The following WDR72 variants were observed in gnomAD, a reference collection of about 807,000 sequenced individuals.
WDR72 encodes WD repeat-containing protein 72.
In WDR72, 120 loss-of-function variants were observed where a neutral mutation model predicts 124.2. The ratio of observed to expected loss-of-function variants is 0.97; its 90% CI spans 0.83 to 1.12. WDR72 has a LOEUF of 1.12. WDR72 is among the 50% of genes most tolerant of loss of function. The pLI is 0.00. For missense variants in WDR72, 1,387 were observed against 1,278.8 expected, an observed-to-expected ratio of 1.08 and a Z score of -1.29; for synonymous variants, 452 against 441.7, an observed-to-expected ratio of 1.02 and a Z score of -0.29.
intron 1 of WDR72, among the ~76,000 whole-genome samples, chr15:53,752,421 G>C (rs1433844101): frequency 6.6e-6 from 1 of 152,160 alleles, no homozygotes; most frequent in Non-Finnish European, 1.5e-5. Flanking sequence ...ACAAGGAAAT[G>C]TGCAGACAGA....
rs1426219893 is a variant in WDR72 at position 53,515,103 on chromosome 15, AC to A, written c.*2595del. On this transcript the variant is annotated 3_prime_UTR_variant, in exon 20 of 20. Coordinates refer to ENST00000360509, the MANE Select transcript of WDR72 (RefSeq NM_182758.4). ...TGTATGTATACACACACACACACAC[AC>A]ACAAATACATTCATAAATATCACCA... 15 of 133,888 alleles carry A rather than the reference AC, an allele frequency of 1.1e-4. No individual in the cohort carries two copies. Among genetic ancestry groups the A allele is most frequent in the Admixed American group, 8.3e-5 (1 of 12,088 alleles). The allele number at this position is 133,888 out of a possible 1,614,324, so 8.3% of individuals were successfully genotyped here.
At chr15:53,740,430 C>T (rs1187806024) in intron 1 of WDR72, among the ~76,000 whole-genome samples, 2 of 151,994 alleles carry the variant, frequency 1.3e-5, no homozygotes, top group Non-Finnish European at 2.9e-5. Flanking sequence ...GCCTCAGTCT[C>T]CCGAATAGCT....
chr15:53,579,291 G>T (rs1048329921), intron 18 of WDR72, among the ~76,000 whole-genome samples: 1 of 152,060 alleles, frequency 6.6e-6, no homozygotes, highest in Non-Finnish European at 1.5e-5. Context: ...CCCCAGGACA[G>T]GTTACTGAAA....
At position 53,749,031 on chromosome 15, in the gene WDR72, T is replaced by C. The variant is rs961566516; in HGVS notation, c.-13+10602A>G. Among the ~76,000 whole-genome samples the C allele has an allele frequency of 9.2e-5, 14 of 152,242 alleles. No homozygotes were observed. In the South Asian group the frequency reaches 1.5e-3, roughly 16 times the overall value. On this transcript the variant is annotated intron_variant, in intron 1 of 19. Transcript: ENST00000360509. ...GACAGGCCTGCCCTGAATCATCCCA[T>C]AGTGTGATAGGTGCTATGTTAATGT...
intron 18 of WDR72, among the ~76,000 whole-genome samples, chr15:53,534,676 T>C (rs143820184): frequency 7.2e-5 from 11 of 152,198 alleles, no homozygotes; most frequent in African/African-American, 2.7e-4. Flanking sequence ...ATGTATCTTA[T>C]ATATAAAATG....
intron 14 of WDR72, among the ~76,000 whole-genome samples, chr15:53,646,114 A>G (rs190130220): frequency 6.6e-6 from 1 of 152,276 alleles, no homozygotes; most frequent in Non-Finnish European, 1.5e-5. Flanking sequence ...TCATAACCAT[A>G]TCTCTGTATG....
chr15:53,688,952 C>G (rs986842752), intron 13 of WDR72, among the ~76,000 whole-genome samples: 1 of 152,124 alleles, frequency 6.6e-6, no homozygotes, highest in African/African-American at 2.4e-5. Context: ...CTGAGAAAAA[C>G]AAGAAATGGG....
chr15:53,688,682 A>G (rs2016731233), intron 13 of WDR72, among the ~76,000 whole-genome samples: 1 of 152,166 alleles, frequency 6.6e-6, no homozygotes, highest in Non-Finnish European at 1.5e-5. Context: ...TCAAGCTACC[A>G]ATGCCTTTCT....
At chr15:53,752,831 T>G (rs1453890567) in intron 1 of WDR72, among the ~76,000 whole-genome samples, 1 of 152,192 alleles carries the variant, frequency 6.6e-6, no homozygotes, top group Non-Finnish European at 1.5e-5. Flanking sequence ...TCTCTACCTC[T>G]TTGTGTAATA....
At chr15:53,547,265 C>G (rs956910377) in intron 18 of WDR72, among the ~76,000 whole-genome samples, 75 of 152,250 alleles carry the variant, frequency 4.9e-4, no homozygotes, top group African/African-American at 1.8e-3. Flanking sequence ...CCCGAGTTGC[C>G]GGGATTACAG....
intron 18 of WDR72, among the ~76,000 whole-genome samples, chr15:53,568,987 A>G (rs140690486): frequency 7.6e-4 from 116 of 152,160 alleles, no homozygotes; most frequent in Middle Eastern, 3.4e-3. Context: ...TGTTTAATTT[A>G]CCAGTTTTTC....
chr15:53,735,214 C>G (rs931798512), intron 1 of WDR72, among the ~76,000 whole-genome samples: 2 of 152,022 alleles, frequency 1.3e-5, no homozygotes, highest in Non-Finnish European at 2.9e-5. Context: ...TCACTTGAAC[C>G]CAGGAGGTGG....
intron 14 of WDR72, among the ~76,000 whole-genome samples, chr15:53,620,151 A>G (rs2013931944): frequency 6.6e-6 from 1 of 152,040 alleles, no homozygotes; most frequent in Non-Finnish European, 1.5e-5. Flanking sequence ...ATAAATATGC[A>G]CAAAATCATA....
intron 1 of WDR72, among the ~76,000 whole-genome samples, chr15:53,736,268 A>G (rs555139160): frequency 6.6e-6 from 1 of 152,286 alleles, no homozygotes; most frequent in Admixed American, 6.5e-5. Flanking sequence ...AAATAGTATG[A>G]GGAGGGCATC....
intron 3 of WDR72, among the ~76,000 whole-genome samples, chr15:53,722,089 A>T (rs897728545): frequency 6.6e-5 from 10 of 151,810 alleles, no homozygotes; most frequent in African/African-American, 2.4e-4. Flanking sequence ...GCTGGAGTGC[A>T]GTGGCGCCAT....
chr15:53,724,760 T>A (rs1028781201), intron 2 of WDR72, among the ~76,000 whole-genome samples: 1 of 152,172 alleles, frequency 6.6e-6, no homozygotes, highest in African/African-American at 2.4e-5. Flanking sequence ...CATTTCACAA[T>A]GTATTCATAT....
intron 18 of WDR72, among the ~76,000 whole-genome samples, chr15:53,564,889 C>T (rs1336424887): frequency 6.6e-6 from 1 of 151,770 alleles, no homozygotes; most frequent in African/African-American, 2.4e-5. Context: ...AATGCTGGGG[C>T]CAAAAGCCCA....
intron 13 of WDR72, among the ~76,000 whole-genome samples, chr15:53,671,759 G>C (rs1454765712): frequency 2.0e-5 from 3 of 152,136 alleles, no homozygotes; most frequent in African/African-American, 7.2e-5. Flanking sequence ...ACAAGAACTT[G>C]TAATTGGAGA....
At position 53,671,987 on chromosome 15, in the gene WDR72, G is replaced by A. The variant is rs556788449; in HGVS notation, c.1766-6219C>T. Reference sequence around the variant, plus strand: ...AGATGGGGAGAAGGGGAAAGAGGGAGGGAGAGAGCGAGAGAGAGAGAGAGC... The same window carrying A: ...AGATGGGGAGAAGGGGAAAGAGGGAAGGAGAGAGCGAGAGAGAGAGAGAGC... On this transcript the variant is annotated intron_variant, in intron 13 of 19. Transcript: ENST00000360509. Among the ~76,000 whole-genome samples, 8 of 151,850 alleles carry A rather than the reference G, an allele frequency of 5.3e-5. No homozygotes were observed. In the East Asian group the frequency reaches 7.8e-4, roughly 15 times the overall value.
Sources: allele counts gnomAD v4.1 joint callset (sites outside exome capture counted in the v4.1 genomes callset), GRCh38; gene constraint gnomAD v4.1.1; transcripts MANE v1.5; gene names NCBI Gene and HGNC (gene_info 2026-07-23, HGNC 2026-07-21).